Variants in PRIM2 observed in about 807,000 individuals in gnomAD.
The protein encoded by PRIM2 is DNA primase large subunit.
Under a neutral mutation model 67.3 loss-of-function variants are expected in PRIM2, and 39 were observed. The observed-to-expected ratio is 0.58, with a 90% CI of 0.45 to 0.76. The LOEUF is 0.76. Ranked by LOEUF, PRIM2 falls within the 30% of genes least tolerant of loss-of-function variation. The pLI is 0.00. For missense variants in PRIM2, 398 were observed against 598.7 expected, an observed-to-expected ratio of 0.66 and a Z score of 3.50; for synonymous variants, 143 against 198.7, an observed-to-expected ratio of 0.72 and a Z score of 2.36.
intron 10 of PRIM2, among the ~76,000 whole-genome samples, chr6:57,572,148 C>G (rs1409166823): frequency 1.2e-4 from 18 of 152,286 alleles, no homozygotes; most frequent in Admixed American, 1.0e-3. Flanking sequence ...ACCCTACAGT[C>G]TATTTCTTTA....
intron 10 of PRIM2, among the ~76,000 whole-genome samples, chr6:57,599,909 T>C (rs1205594935): frequency 1.3e-5 from 2 of 152,364 alleles, no homozygotes; most frequent in East Asian, 3.9e-4. Context: ...TGCCTCAGGC[T>C]CCTGAGTAGC....
chr6:57,618,747 G>A (rs1472910059), intron 12 of PRIM2, among the ~76,000 whole-genome samples: 52 of 151,996 alleles, frequency 3.4e-4, no homozygotes, highest in South Asian at 8.3e-4. Flanking sequence ...ATCTCACCCC[G>A]TCCCCCACAG....
chr6:57,438,815 C>T (rs1772098687), intron 7 of PRIM2, among the ~76,000 whole-genome samples: 1 of 151,774 alleles, frequency 6.6e-6, no homozygotes, highest in African/African-American at 2.4e-5. Flanking sequence ...CTCTTGTGCC[C>T]AGGCTGGAGT....
At chr6:57,256,016 CACACACAT>C in the PRIM2 span, among the ~76,000 whole-genome samples, 1,995 of 110,058 alleles carry the variant, frequency 0.018, 46 homozygotes, top group African/African-American at 0.11. Context: ...CACGCACACA[CACACACAT>C]ACACACACAC....
At position 57,467,885 on chromosome 6, in the gene PRIM2, G is replaced by C. The variant is rs1304462522; in HGVS notation, c.694-39502G>C. Among the ~76,000 whole-genome samples the C allele has an allele frequency of 4.6e-5, 7 of 152,118 alleles. No individual in the cohort carries two copies. In the East Asian group the frequency reaches 1.4e-3, roughly 29 times the overall value. ...TATTCCTAGGTATTTAATTCTCTTT[G>C]TAGCAGTTGTGAATGGAAGTTCACT... On this transcript the variant is annotated intron_variant, in intron 7 of 13. Coordinates refer to ENST00000615550, the MANE Select transcript of PRIM2 (RefSeq NM_000947.5).
chr6:57,636,345 C>T (rs1362266859), intron 13 of PRIM2, among the ~76,000 whole-genome samples: 6 of 152,086 alleles, frequency 3.9e-5, no homozygotes, highest in Admixed American at 1.3e-4. Context: ...TTCTCTATTC[C>T]TTTTCCTAAT....
chr6:57,321,169 T>C (rs1488885698), intron 3 of PRIM2, among the ~76,000 whole-genome samples: 2 of 152,144 alleles, frequency 1.3e-5, no homozygotes, highest in Non-Finnish European at 2.9e-5. Flanking sequence ...ATTAAGAAGG[T>C]AGAATCAAAA....
At chr6:57,380,701 C>T (rs9382717) in intron 6 of PRIM2, among the ~76,000 whole-genome samples, 1,460 of 135,844 alleles carry the variant, frequency 0.011, 4 homozygotes, top group East Asian at 0.028. Context: ...CCAGCTTCTT[C>T]GTTTCGACTG....
intron 5 of PRIM2, among the ~76,000 whole-genome samples, chr6:57,333,976 A>G (rs767421836): frequency 6.6e-6 from 1 of 152,234 alleles, no homozygotes; most frequent in African/African-American, 2.4e-5. Flanking sequence ...TTAACTGTAG[A>G]CATCATGTTG....
intron 8 of PRIM2, among the ~76,000 whole-genome samples, chr6:57,530,584 A>G (rs1160383414): frequency 5.3e-5 from 8 of 151,996 alleles, no homozygotes; most frequent in African/African-American, 2.4e-5. Context: ...ATAATCCTTC[A>G]TATTTTGGGG....
At chr6:57,247,817 A>C in the PRIM2 span, among the ~76,000 whole-genome samples, 1 of 152,200 alleles carries the variant, frequency 6.6e-6, no homozygotes, top group African/African-American at 2.4e-5. Flanking sequence ...GAATCCTACT[A>C]TTTGGGCTTT....
At chr6:57,363,565 A>G (rs12663703) in intron 5 of PRIM2, among the ~76,000 whole-genome samples, 10,304 of 152,182 alleles carry the variant, frequency 0.068, 459 homozygotes, top group East Asian at 0.18. Flanking sequence ...GCACATTAAG[A>G]TATATCACTC....
intron 5 of PRIM2, among the ~76,000 whole-genome samples, chr6:57,357,585 A>T (rs1769071636): frequency 6.9e-6 from 1 of 145,638 alleles, no homozygotes; most frequent in African/African-American, 2.5e-5. Context: ...GTAGAAACCC[A>T]TCCTCTGTGG....
the PRIM2 span, among the ~76,000 whole-genome samples, chr6:57,237,517 T>C: frequency 6.6e-6 from 1 of 152,222 alleles, no homozygotes; most frequent in Non-Finnish European, 1.5e-5. Flanking sequence ...TGGTATTGCC[T>C]AGGTTTTCTT....
intron 7 of PRIM2, among the ~76,000 whole-genome samples, chr6:57,402,720 T>C (rs1426595901): frequency 6.6e-6 from 1 of 152,194 alleles, no homozygotes; most frequent in African/African-American, 2.4e-5. Flanking sequence ...TTACCAAGCT[T>C]ATGAGTTTGA....
intron 5 of PRIM2, among the ~76,000 whole-genome samples, chr6:57,338,955 A>G (rs1467649553): frequency 2.0e-5 from 3 of 152,206 alleles, no homozygotes; most frequent in Non-Finnish European, 4.4e-5. Flanking sequence ...TCTAGAAAAC[A>G]ACATTGTCTC....
At chr6:57,318,332 C>T in intron 1 of PRIM2, 105 bp from the exon 2 acceptor site, 1 of 1,182,422 alleles carries the variant, frequency 8.5e-7, no homozygotes, top group East Asian at 2.6e-5. Context: ...GCCCTCAAAT[C>T]CATTTTTTTT....
At chr6:57,421,108 G>A (rs1470571555) in intron 7 of PRIM2, among the ~76,000 whole-genome samples, 1 of 152,154 alleles carries the variant, frequency 6.6e-6, no homozygotes, top group Non-Finnish European at 1.5e-5. Context: ...GCTCAAAGAT[G>A]GTAGACCAAG....
At chr6:57,341,849 G>A (rs1768503464) in intron 5 of PRIM2, among the ~76,000 whole-genome samples, 2 of 152,130 alleles carry the variant, frequency 1.3e-5, no homozygotes, top group South Asian at 2.1e-4. Context: ...GGGCAGCCAC[G>A]GGGCCATCTT....
Sources: gnomAD v4.1 joint callset for allele counts (sites outside exome capture counted in the v4.1 genomes callset) on GRCh38, gnomAD v4.1.1 for gene constraint, MANE v1.5 for transcripts, NCBI Gene and HGNC (gene_info 2026-07-23, HGNC 2026-07-21) for gene names.